C4orf17: variants seen among roughly 807,000 people sequenced by gnomAD.
The protein encoded by C4orf17 is chromosome 4 open reading frame 17, also known as uncharacterized protein C4orf17.
Under a neutral mutation model 32.0 loss-of-function variants are expected in C4orf17, and 25 were observed. The ratio of observed to expected loss-of-function variants is 0.78; its 90% confidence interval spans 0.57 to 1.09. The LOEUF is 1.09. Ranked by LOEUF, C4orf17 falls within the 50% of genes least tolerant of loss-of-function variation. The pLI is 0.00. For missense variants in C4orf17, 420 were observed against 420.0 expected (o/e 1.00, Z 0.00); for synonymous variants, 149 against 145.8 (o/e 1.02, Z -0.16).
At chr4:99,534,615 T>C (rs1560590562) in intron 5 of C4orf17, among the ~76,000 whole-genome samples, 1 of 152,200 alleles carries the variant, frequency 6.6e-6, no homozygotes. Flanking sequence ...AAATTGTTCC[T>C]TTTTCTCCAC....
At chr4:99,539,076 A>C (rs1723610142) in intron 6 of C4orf17, 87 bp from the exon 7 acceptor site, 1 of 1,197,164 alleles carries the variant, frequency 8.4e-7, no homozygotes, top group Non-Finnish European at 1.2e-6. Context: ...AGTCTTTCAT[A>C]CTCAGGAGCT....
intron 7 of C4orf17, 74 bp downstream of exon 7, chr4:99,539,444 C>A: frequency 8.1e-7 from 1 of 1,234,760 alleles, no homozygotes; most frequent in Non-Finnish European, 1.2e-6. Flanking sequence ...TGTTATTTAT[C>A]TTTCAAAATG....
At chr4:99,514,560 C>T (rs1258726329) in intron 2 of C4orf17, among the ~76,000 whole-genome samples, 1 of 152,050 alleles carries the variant, frequency 6.6e-6, no homozygotes, top group Non-Finnish European at 1.5e-5. Context: ...TGAGATATCA[C>T]CTTACTCCTG....
intron 2 of C4orf17, among the ~76,000 whole-genome samples, chr4:99,515,076 T>A (rs2110164803): frequency 6.6e-6 from 1 of 152,282 alleles, no homozygotes; most frequent in East Asian, 1.9e-4. Flanking sequence ...AGAAGAATGT[T>A]ATAATGGACT....
intron 3 of C4orf17, 117 bp from the exon 4 acceptor site, chr4:99,524,404 T>C: frequency 1.7e-6 from 1 of 576,916 alleles, no homozygotes; most frequent in Non-Finnish European, 3.0e-6. Flanking sequence ...AACAGATTCC[T>C]GAATTGACCT....
chr4:99,532,702 A>C (rs1393146904), intron 5 of C4orf17, among the ~76,000 whole-genome samples: 1 of 152,190 alleles, frequency 6.6e-6, no homozygotes, highest in Admixed American at 6.5e-5. Context: ...TCAAATTTAA[A>C]AAGAAGAGTG....
At chr4:99,523,524 T>C (rs1209404820) in intron 3 of C4orf17, among the ~76,000 whole-genome samples, 1 of 152,176 alleles carries the variant, frequency 6.6e-6, no homozygotes, top group Non-Finnish European at 1.5e-5. Flanking sequence ...CTTCCCTCCC[T>C]TCTGCTAGCA....
chr4:99,525,652 G>A (rs575882782), intron 4 of C4orf17, among the ~76,000 whole-genome samples: 23 of 152,114 alleles, frequency 1.5e-4, no homozygotes, highest in South Asian at 1.0e-3. Flanking sequence ...AAAATTAGTC[G>A]GGCTTGGTGG....
intron 6 of C4orf17, among the ~76,000 whole-genome samples, chr4:99,538,063 G>A (rs943281435): frequency 2.6e-5 from 4 of 152,138 alleles, no homozygotes; most frequent in African/African-American, 9.7e-5. Flanking sequence ...ACACCCAGAG[G>A]CCTCCCTGAG....
In C4orf17 at chr4:99,539,364, C is replaced by A; in HGVS notation, c.830C>A (p.Pro277Gln). The A allele has an allele frequency of 6.2e-7, 1 of 1,613,346 alleles. No individual in the cohort carries two copies. Among genetic ancestry groups the A allele is most frequent in the Non-Finnish European group, 8.5e-7 (1 of 1,179,326 alleles). Residue 277 changes from proline (P) to glutamine (Q), a missense_variant, in exon 7 of 9, where the codon CCA (proline) becomes CAA (glutamine). Transcript: ENST00000326581. ...ACCAGAGATACAGAAGGGGATCAAC[C>A]AACCAGGTAATTAGATATAATGGCC... The part of the protein sequence containing the change: ...VLTRDTEGDQ[P>Q]TRVSSQGSEE...
Position 99,522,683 on chromosome 4 carries a change from C to T in C4orf17, c.311C>T (p.Ala104Val). 6.2e-7 allele frequency: 1 copy of T among 1,613,822 alleles called. No individual in the cohort carries two copies. Among genetic ancestry groups the T allele is most frequent in the Non-Finnish European group, 8.5e-7 (1 of 1,179,918 alleles). Reference sequence around the variant, plus strand: ...GGAATGTCGCCAGCCCCAAACGGTGCCAAAGTGCCTCCACGGCCTCATTCT... The same window carrying T: ...GGAATGTCGCCAGCCCCAAACGGTGTCAAAGTGCCTCCACGGCCTCATTCT... ...VRGMSPAPNG[A>V]KVPPRPHSEP... is the part of the protein sequence containing the mutation. The change falls in exon 3 of 9, where the codon GCC becomes GTC. Residue 104 changes from alanine (A) to valine (V), a missense_variant. Coordinates refer to ENST00000326581, the MANE Select transcript of C4orf17 (RefSeq NM_032149.3).
rs1723636537 is a variant in C4orf17, at chr4:99,540,458, T to G, written c.880+3T>G. 1 of 1,603,490 alleles carries G rather than the reference T, an allele frequency of 6.2e-7. No homozygotes were observed. The highest frequency in any genetic ancestry group is 1.7e-5 in the Admixed American group (1 of 59,932). ...AGAAAACAAGGAAGTACCAAAAGGT[T>G]AAGTACAGTTTTTGGTAACTATTGA... On this transcript the variant is annotated splice_donor_region_variant and intron_variant, in intron 8 of 8. Coordinates refer to ENST00000326581, the MANE Select transcript of C4orf17 (RefSeq NM_032149.3).
chr4:99,516,471 A>G (rs1296656683), intron 2 of C4orf17, among the ~76,000 whole-genome samples: 1 of 152,240 alleles, frequency 6.6e-6, no homozygotes, highest in Non-Finnish European at 1.5e-5. Context: ...TCATTCAGCC[A>G]TCTATACGTT....
chr4:99,515,030 G>T (rs551641219), intron 2 of C4orf17, among the ~76,000 whole-genome samples: 1 of 152,214 alleles, frequency 6.6e-6, no homozygotes, highest in South Asian at 2.1e-4. Context: ...TATGTTCTCA[G>T]TTACAAGTTG....
intron 5 of C4orf17, among the ~76,000 whole-genome samples, chr4:99,534,700 G>A (rs1723531651): frequency 6.6e-6 from 1 of 152,124 alleles, no homozygotes; most frequent in African/African-American, 2.4e-5. Flanking sequence ...GTATCTCATT[G>A]TGGTTTTGAT....
At chr4:99,524,050 G>A (rs919202900) in intron 3 of C4orf17, among the ~76,000 whole-genome samples, 5 of 137,996 alleles carry the variant, frequency 3.6e-5, no homozygotes, top group African/African-American at 5.5e-5. Flanking sequence ...TGCAATCTCC[G>A]CTCACTGCAA....
At chr4:99,522,991 A>G (rs1344966667) in intron 3 of C4orf17, among the ~76,000 whole-genome samples, 2 of 152,220 alleles carry the variant, frequency 1.3e-5, no homozygotes, top group Non-Finnish European at 2.9e-5. Flanking sequence ...GATGCCAGAA[A>G]TGAATGTTGT....
Position 99,521,048 on chromosome 4 carries a change from A to G in C4orf17, c.128-1452A>G, listed in dbSNP as rs182848683. Among the ~76,000 whole-genome samples, 504 of 152,328 alleles carry G rather than the reference A, an allele frequency of 3.3e-3. 4 individuals carry two copies. Among genetic ancestry groups the G allele is most frequent in the South Asian group, 0.018 (85 of 4,828 alleles). On this transcript the variant is annotated intron_variant, in intron 2 of 8. Transcript: ENST00000326581. ...GTTAGATATTCTAATATTCCAAATT[A>G]GCTAATAAGCATTAGCTTAAATGTG... is the stretch of plus-strand genomic sequence containing the variant.
intron 2 of C4orf17, among the ~76,000 whole-genome samples, chr4:99,518,589 GGAGACA>G (rs1560585701): frequency 2.3e-5 from 2 of 86,036 alleles, no homozygotes; most frequent in African/African-American, 1.1e-4. Flanking sequence ...AGAGAGGGAG[GGAGACA>G]GAGAGAGAGA....
Sources: gnomAD v4.1 joint callset for allele counts (sites outside exome capture counted in the v4.1 genomes callset) on GRCh38, gnomAD v4.1.1 for gene constraint, MANE v1.5 for transcripts, NCBI Gene and HGNC (gene_info 2026-07-23, HGNC 2026-07-21) for gene names.